The following TBC1D5 variants were observed in gnomAD, a reference collection of about 807,000 sequenced individuals.
The protein encoded by TBC1D5 is TBC1 domain family, member 5.
In TBC1D5, 75 loss-of-function variants were observed where a neutral mutation model predicts 100.3. The ratio of observed to expected loss-of-function variants is 0.75; its 90% CI spans 0.62 to 0.91. The LOEUF (loss-of-function observed/expected upper bound fraction) is 0.91. TBC1D5 is among the 40% of genes least tolerant of loss of function. TBC1D5 has a pLI of 0.00. For missense variants in TBC1D5, 910 were observed against 942.4 expected (o/e 0.97, Z 0.45); for synonymous variants, 323 against 325.6 (o/e 0.99, Z 0.09).
At chr3:17,468,297 C>A (rs568568751) in intron 3 of TBC1D5, among the ~76,000 whole-genome samples, 1 of 152,168 alleles carries the variant, frequency 6.6e-6, no homozygotes, top group Non-Finnish European at 1.5e-5. Flanking sequence ...ACCCTAGGAC[C>A]TTTACACTTG....
chr3:17,380,661 G>C (rs747437424), intron 9 of TBC1D5, among the ~76,000 whole-genome samples: 2 of 152,022 alleles, frequency 1.3e-5, no homozygotes, highest in South Asian at 2.1e-4. Context: ...ACTCATGCCA[G>C]TTGAAAATAA....
chr3:17,176,777 C>T (rs1203104840), intron 19 of TBC1D5, among the ~76,000 whole-genome samples: 3 of 150,200 alleles, frequency 2.0e-5, no homozygotes, highest in Admixed American at 1.3e-4. Flanking sequence ...TCTGCACATG[C>T]ACCCCAGAAC....
chr3:17,308,194 T>TTTTCTCAAGTAACTGTGAAAAAC, intron 13 of TBC1D5, 60 bp from the exon 14 acceptor site: 1 of 1,460,522 alleles, frequency 6.8e-7, no homozygotes, highest in South Asian at 1.5e-5. Context: ...AGAGTGATCA[T>TTTTCTCAAGTAACTGTGAAAAAC]TTTCTCAAGT....
chr3:17,699,713 T>A (rs2072837674), intron 1 of TBC1D5, among the ~76,000 whole-genome samples: 1 of 150,878 alleles, frequency 6.6e-6, no homozygotes, highest in Non-Finnish European at 1.5e-5. Context: ...ATATATAGTT[T>A]TAATTGTCCA....
chr3:17,432,585 T>C (rs2094463484), intron 3 of TBC1D5, among the ~76,000 whole-genome samples: 1 of 152,200 alleles, frequency 6.6e-6, no homozygotes, highest in Admixed American at 6.5e-5. Flanking sequence ...AATTTTCAAT[T>C]TTCTTTATTA....
intron 2 of TBC1D5, among the ~76,000 whole-genome samples, chr3:17,555,635 C>T (rs376389453): frequency 5.0e-4 from 76 of 152,236 alleles, no homozygotes; most frequent in African/African-American, 1.4e-3. Flanking sequence ...TAAACTTCTC[C>T]CACAAGAGAT....
intron 13 of TBC1D5, among the ~76,000 whole-genome samples, chr3:17,333,899 G>A (rs1190043686): frequency 6.7e-6 from 1 of 149,370 alleles, no homozygotes; most frequent in Admixed American, 6.7e-5. Context: ...CATGAGTAGG[G>A]TTTGGGTTTT....
intron 1 of TBC1D5, among the ~76,000 whole-genome samples, chr3:17,655,190 G>A (rs2065940131): frequency 6.6e-6 from 1 of 150,678 alleles, no homozygotes. Flanking sequence ...AGTTATTTCA[G>A]TAAACTCTCA....
At chr3:17,280,263 G>C (rs774636829) in intron 15 of TBC1D5, among the ~76,000 whole-genome samples, 29 of 152,178 alleles carry the variant, frequency 1.9e-4, no homozygotes, top group Non-Finnish European at 3.4e-4. Flanking sequence ...AAAGGAGGAT[G>C]AGCAATCAGC....
chr3:17,218,359 A>T (rs1344810242), intron 17 of TBC1D5, among the ~76,000 whole-genome samples: 1 of 152,038 alleles, frequency 6.6e-6, no homozygotes, highest in Non-Finnish European at 1.5e-5. Flanking sequence ...ATTTTCTCCA[A>T]AAAAGACATC....
At chr3:17,186,152 T>C (rs549690690) in intron 18 of TBC1D5, among the ~76,000 whole-genome samples, 97 of 152,110 alleles carry the variant, frequency 6.4e-4, no homozygotes, top group African/African-American at 2.0e-3. Flanking sequence ...GAAAACTGAT[T>C]TTCCAGTCTT....
At chr3:17,431,661 A>G (rs560104569) in intron 3 of TBC1D5, among the ~76,000 whole-genome samples, 3 of 152,176 alleles carry the variant, frequency 2.0e-5, no homozygotes, top group South Asian at 2.1e-4. Flanking sequence ...CATAATATTC[A>G]ATGAAAATAA....
chr3:17,385,658 T>C (rs1417471390), intron 8 of TBC1D5, among the ~76,000 whole-genome samples: 4 of 152,050 alleles, frequency 2.6e-5, no homozygotes, highest in African/African-American at 7.2e-5. Context: ...CTTACAACTC[T>C]CTTTTGCAAC....
chr3:17,603,362 C>T (rs1438632559), intron 2 of TBC1D5, among the ~76,000 whole-genome samples: 1 of 151,982 alleles, frequency 6.6e-6, no homozygotes, highest in Non-Finnish European at 1.5e-5. Context: ...GCCAGAAGAA[C>T]GCACAAAAAC....
chr3:17,494,894 T>TACTGGG (rs2095686221), intron 3 of TBC1D5, among the ~76,000 whole-genome samples: 1 of 152,206 alleles, frequency 6.6e-6, no homozygotes, highest in Non-Finnish European at 1.5e-5. Flanking sequence ...CCCAAGACTC[T>TACTGGG]GGTGGCATGG....
intron 16 of TBC1D5, among the ~76,000 whole-genome samples, chr3:17,249,055 T>G (rs1213371214): frequency 6.6e-6 from 1 of 152,190 alleles, no homozygotes; most frequent in African/African-American, 2.4e-5. Flanking sequence ...TTTACAGAAT[T>G]GAAGAGTTAG....
At position 17,551,076 on chromosome 3, in the gene TBC1D5, G is replaced by A. The variant is rs576049993; in HGVS notation, c.-35-42471C>T. On this transcript the variant is annotated intron_variant, in intron 2 of 21. Coordinates refer to ENST00000253692, the Ensembl canonical transcript of TBC1D5. ...TCTGTGTGTGTGTGTGTATGTGTGTGTATTTAAGTGCATAAACATGCACTC... is the reference window on the plus strand; with the variant it reads ...TCTGTGTGTGTGTGTGTATGTGTGTATATTTAAGTGCATAAACATGCACTC... Among the ~76,000 whole-genome samples, 22 of 152,230 alleles carry A rather than the reference G, an allele frequency of 1.4e-4. No homozygotes were observed. The East Asian group carries it at 4.1e-3, about 28-fold the overall frequency.
At chr3:17,158,801 C>G (rs1199178812) in exon 22 of TBC1D5, 1 of 152,344 alleles carries the variant, frequency 6.6e-6, no homozygotes, top group East Asian at 1.9e-4. Flanking sequence ...GACTCTAGCT[C>G]TAGGGCAAAG....
chr3:17,238,900 T>C (rs531229335), intron 16 of TBC1D5, among the ~76,000 whole-genome samples: 1 of 152,170 alleles, frequency 6.6e-6, no homozygotes, highest in Non-Finnish European at 1.5e-5. Flanking sequence ...ACATGGGTAC[T>C]AGGTCAAATT....
Sources: allele counts gnomAD v4.1 joint callset (sites outside exome capture counted in the v4.1 genomes callset), GRCh38; gene constraint gnomAD v4.1.1; transcripts MANE v1.5; gene names NCBI Gene and HGNC (gene_info 2026-07-23, HGNC 2026-07-21).